The following NAALADL2 variants were observed in gnomAD, a reference collection of about 807,000 sequenced individuals.
NAALADL2 encodes inactive N-acetylated-alpha-linked acidic dipeptidase-like protein 2.
In NAALADL2, 76 loss-of-function variants were observed where a neutral mutation model predicts 87.2. The observed-to-expected ratio is 0.87, with a 90% CI of 0.72 to 1.05. The LOEUF (loss-of-function observed/expected upper bound fraction) is 1.05. Among genes scored for constraint, NAALADL2 ranks in the 50% least tolerant of loss-of-function variants. The probability of loss-of-function intolerance (pLI) is 0.00; values close to 1 mark genes in which losing one functional copy is unlikely to be tolerated. For synonymous variants in NAALADL2, 354 were observed against 331.0 expected (o/e 1.07, Z -0.75); for missense variants, 1,089 against 945.8 (o/e 1.15, Z -1.99).
intron 2 of NAALADL2, among the ~76,000 whole-genome samples, chr3:175,180,780 G>T (rs1381544908): frequency 6.6e-6 from 1 of 151,500 alleles, no homozygotes; most frequent in African/African-American, 2.4e-5. Context: ...TGTACTATTT[G>T]TTATGTTGCT....
intron 1 of NAALADL2, among the ~76,000 whole-genome samples, chr3:174,521,652 A>T (rs986188102): frequency 2.6e-5 from 4 of 151,728 alleles, no homozygotes; most frequent in African/African-American, 9.7e-5. Context: ...GGAGGCCTAT[A>T]GGTAATTATC....
intron 1 of NAALADL2, among the ~76,000 whole-genome samples, chr3:175,034,583 T>G (rs1753187557): frequency 6.6e-6 from 1 of 152,094 alleles, no homozygotes; most frequent in South Asian, 2.1e-4. Flanking sequence ...ATCTATCCCA[T>G]TTGACTATGT....
At chr3:174,751,589 G>T (rs2109039976) in intron 3 of NAALADL2, among the ~76,000 whole-genome samples, 1 of 150,494 alleles carries the variant, frequency 6.6e-6, no homozygotes, top group South Asian at 2.1e-4. Flanking sequence ...CTTGAGCCCG[G>T]GAGACTGAGG....
intron 13 of NAALADL2, among the ~76,000 whole-genome samples, chr3:175,778,912 CAT>C (rs560138156): frequency 1.0e-3 from 152 of 152,218 alleles, no homozygotes; most frequent in African/African-American, 3.5e-3. Context: ...AGGAGAAAAG[CAT>C]ATGAGTTTTA....
chr3:175,716,155 AAT>A (rs1741216427), intron 11 of NAALADL2, among the ~76,000 whole-genome samples: 1 of 143,016 alleles, frequency 7.0e-6, no homozygotes, highest in African/African-American at 2.7e-5. Context: ...TGTTATATAT[AAT>A]ATATAATATA....
intron 5 of NAALADL2, among the ~76,000 whole-genome samples, chr3:175,403,421 A>C (rs555697533): frequency 3.9e-5 from 6 of 152,098 alleles, no homozygotes; most frequent in Non-Finnish European, 5.9e-5. Flanking sequence ...GTGGATATTC[A>C]TTTAGTCCTT....
chr3:174,441,064 G>C (rs1714561188), intron 1 of NAALADL2: 1 of 152,094 alleles, frequency 6.6e-6, no homozygotes, highest in Non-Finnish European at 1.5e-5. Flanking sequence ...TCAAAGTTTT[G>C]CCAAAACAAG....
chr3:174,980,066 CCT>C (rs543718048), intron 1 of NAALADL2, among the ~76,000 whole-genome samples: 98 of 152,282 alleles, frequency 6.4e-4, no homozygotes, highest in African/African-American at 2.2e-3. Flanking sequence ...GCCTACAATG[CCT>C]CTCTCACCTT....
chr3:175,752,374 C>A lies in NAALADL2; in HGVS notation c.1991-2846C>A, dbSNP rs1203781357. Reference sequence around the variant, plus strand: ...TAAAAGACACAAACCTCTCCCTTCACAGAACTGATATTCTAGTAGGGATCC... The same window carrying A: ...TAAAAGACACAAACCTCTCCCTTCAAAGAACTGATATTCTAGTAGGGATCC... On this transcript the variant is annotated intron_variant, in intron 12 of 13. Coordinates refer to ENST00000454872, the MANE Select transcript of NAALADL2 (RefSeq NM_207015.3). 2.0e-5 allele frequency among the ~76,000 whole-genome samples: 3 copies of A among 152,208 alleles called. No individual in the cohort carries two copies. The South Asian group carries it at 6.2e-4, about 32-fold the overall frequency.
intron 1 of NAALADL2, among the ~76,000 whole-genome samples, chr3:175,030,325 G>A (rs1031365508): frequency 3.3e-5 from 5 of 151,996 alleles, no homozygotes; most frequent in African/African-American, 1.2e-4. Context: ...GCTTATAGAC[G>A]AGTTTTGTTA....
intron 12 of NAALADL2, among the ~76,000 whole-genome samples, chr3:175,748,314 A>G (rs897157937): frequency 6.6e-6 from 1 of 152,230 alleles, no homozygotes; most frequent in Non-Finnish European, 1.5e-5. Context: ...TAGAAAATGT[A>G]TGATAAAAAG....
At chr3:175,011,425 G>C (rs1749810384) in intron 1 of NAALADL2, among the ~76,000 whole-genome samples, 1 of 152,124 alleles carries the variant, frequency 6.6e-6, no homozygotes. Flanking sequence ...TAAAAATTCA[G>C]AGTCTCAGCA....
At chr3:175,152,951 A>G (rs16824282) in intron 2 of NAALADL2, among the ~76,000 whole-genome samples, 1,832 of 152,130 alleles carry the variant, frequency 0.012, 27 homozygotes, top group African/African-American at 0.041. Context: ...TATGTTCCCA[A>G]TAGAAGGTAC....
chr3:174,951,460 A>G (rs1465755918), intron 1 of NAALADL2, among the ~76,000 whole-genome samples: 1 of 152,236 alleles, frequency 6.6e-6, no homozygotes, highest in South Asian at 2.1e-4. Context: ...TATTATCTCC[A>G]AAGTATAGAG....
chr3:174,714,833 T>C (rs935345724), intron 2 of NAALADL2, among the ~76,000 whole-genome samples: 1 of 152,212 alleles, frequency 6.6e-6, no homozygotes, highest in Non-Finnish European at 1.5e-5. Flanking sequence ...TCCAACACTA[T>C]GTTGAATAGG....
intron 9 of NAALADL2, among the ~76,000 whole-genome samples, chr3:175,564,681 A>G (rs373576007): frequency 1.3e-5 from 2 of 152,218 alleles, no homozygotes; most frequent in Non-Finnish European, 2.9e-5. Flanking sequence ...CATAAAATCT[A>G]TATCTTGATT....
At chr3:175,801,945 G>A (rs1001670300) in intron 13 of NAALADL2, among the ~76,000 whole-genome samples, 1 of 152,094 alleles carries the variant, frequency 6.6e-6, no homozygotes, top group Non-Finnish European at 1.5e-5. Flanking sequence ...GTGAGAAGAT[G>A]GTATTCTAGA....
At chr3:175,099,382 C>T (rs911119078) in intron 2 of NAALADL2, among the ~76,000 whole-genome samples, 1 of 152,124 alleles carries the variant, frequency 6.6e-6, no homozygotes, top group African/African-American at 2.4e-5. Flanking sequence ...TAGTTAGACA[C>T]AGATTAACAA....
At chr3:175,456,578 T>C (rs957497310) in intron 6 of NAALADL2, among the ~76,000 whole-genome samples, 8 of 152,042 alleles carry the variant, frequency 5.3e-5, no homozygotes, top group African/African-American at 1.9e-4. Context: ...GAAATAAATG[T>C]ACAGAAAGTT....
Sources: allele counts gnomAD v4.1 joint callset (sites outside exome capture counted in the v4.1 genomes callset), GRCh38; gene constraint gnomAD v4.1.1; transcripts MANE v1.5; gene names NCBI Gene and HGNC (gene_info 2026-07-23, HGNC 2026-07-21).